Variants in C12orf42 observed in about 807,000 individuals in gnomAD.
C12orf42 encodes uncharacterized protein C12orf42.
A neutral mutation model predicts 21.6 loss-of-function variants in C12orf42; 25 were observed. That is an observed-to-expected ratio of 1.16 (90% CI 0.84 to 1.62). The LOEUF (loss-of-function observed/expected upper bound fraction) is 1.62. Among genes scored for constraint, C12orf42 ranks in the 40% most tolerant of loss-of-function variants. C12orf42 has a pLI of 0.00. For synonymous variants in C12orf42, 174 were observed against 175.0 expected (o/e 0.99, Z 0.05); for missense variants, 483 against 459.3 (o/e 1.05, Z -0.47).
At chr12:103,471,133 C>A (rs1433550195) in intron 2 of C12orf42, among the ~76,000 whole-genome samples, 1 of 152,206 alleles carries the variant, frequency 6.6e-6, no homozygotes, top group Non-Finnish European at 1.5e-5. Flanking sequence ...TTTCCTTACT[C>A]AACTTGTGGG....
At chr12:103,236,489 G>A (rs539935967), downstream of C12orf42, among the ~76,000 whole-genome samples, 31 of 152,244 alleles carry the variant, frequency 2.0e-4, no homozygotes, top group African/African-American at 5.5e-4. Context: ...TTTGCACTTG[G>A]ATGGTATTTG....
downstream of C12orf42, among the ~76,000 whole-genome samples, chr12:103,299,721 T>G (rs2037528827): frequency 6.6e-6 from 1 of 152,244 alleles, no homozygotes; most frequent in Non-Finnish European, 1.5e-5. Context: ...TATTACTGTT[T>G]AATTTAGCAC....
intron 4 of C12orf42, among the ~76,000 whole-genome samples, chr12:103,324,856 C>T (rs1156778702): frequency 6.6e-6 from 1 of 152,154 alleles, no homozygotes; most frequent in Non-Finnish European, 1.5e-5. Context: ...CTTGCTCATT[C>T]CAATGACCTA....
At chr12:103,506,853 A>G in the C12orf42 span, among the ~76,000 whole-genome samples, 35 of 79,428 alleles carry the variant, frequency 4.4e-4, 4 homozygotes, top group Admixed American at 3.0e-3. Context: ...ATATATATTT[A>G]TATATTATAT....
the C12orf42 span, chr12:103,503,637 C>G: frequency 6.5e-6 from 1 of 152,714 alleles, no homozygotes; most frequent in Non-Finnish European, 1.5e-5. Context: ...ACTGAGGCAC[C>G]TGGCATCCCG....
At chr12:103,128,940 G>A in the C12orf42 span, among the ~76,000 whole-genome samples, 1 of 152,106 alleles carries the variant, frequency 6.6e-6, no homozygotes, top group Admixed American at 6.6e-5. Context: ...GATCATCCTG[G>A]CTGCCTGACT....
intron 2 of C12orf42, among the ~76,000 whole-genome samples, chr12:103,419,402 G>T (rs907087145): frequency 2.0e-5 from 3 of 152,166 alleles, no homozygotes; most frequent in African/African-American, 7.2e-5. Flanking sequence ...TTGGGCCCCA[G>T]GTGGAAGTTG....
the C12orf42 span, among the ~76,000 whole-genome samples, chr12:103,543,081 A>C: frequency 2.0e-5 from 3 of 152,224 alleles, no homozygotes; most frequent in African/African-American, 7.2e-5. Context: ...TTGTAAAAAC[A>C]ACCAGGCTGT....
intron 2 of C12orf42, among the ~76,000 whole-genome samples, chr12:103,422,536 A>G (rs1272671854): frequency 1.3e-5 from 2 of 152,156 alleles, no homozygotes; most frequent in African/African-American, 4.8e-5. Context: ...CTGGGCTCTT[A>G]TTTCTAAGCC....
the C12orf42 span, among the ~76,000 whole-genome samples, chr12:103,531,714 G>C: frequency 6.6e-6 from 1 of 152,130 alleles, no homozygotes; most frequent in African/African-American, 2.4e-5. Context: ...TTCCCATCCA[G>C]TATCAAAGCC....
At chr12:103,204,883 T>C in the C12orf42 span, among the ~76,000 whole-genome samples, 8 of 152,120 alleles carry the variant, frequency 5.3e-5, no homozygotes, top group Admixed American at 3.9e-4. Context: ...ACAATATTGA[T>C]ACATCTAAAA....
intron 2 of C12orf42, among the ~76,000 whole-genome samples, chr12:103,474,367 G>T (rs1442763885): frequency 6.6e-6 from 1 of 152,048 alleles, no homozygotes; most frequent in Non-Finnish European, 1.5e-5. Flanking sequence ...AGATCAGAAA[G>T]AGAGTCTGGC....
the C12orf42 span, among the ~76,000 whole-genome samples, chr12:103,560,756 T>G: frequency 2.0e-5 from 3 of 152,218 alleles, no homozygotes; most frequent in African/African-American, 7.2e-5. Context: ...ATACGCAAAG[T>G]CCATGACTCA....
At chr12:103,258,330 A>G (rs551107941) in intron 10 of C12orf42, among the ~76,000 whole-genome samples, 1 of 152,194 alleles carries the variant, frequency 6.6e-6, no homozygotes. Context: ...TAAAAAAGTG[A>G]TCAGAATAAA....
At chr12:103,200,104 A>G in the C12orf42 span, among the ~76,000 whole-genome samples, 16 of 151,092 alleles carry the variant, frequency 1.1e-4, no homozygotes, top group Admixed American at 9.2e-4. Context: ...AGATGAATGG[A>G]AAAAAAAATA....
intron 2 of C12orf42, among the ~76,000 whole-genome samples, chr12:103,422,121 G>A (rs533916574): frequency 6.6e-6 from 1 of 152,244 alleles, no homozygotes; most frequent in Non-Finnish European, 1.5e-5. Flanking sequence ...CTGATTGAAA[G>A]CCCTATTTTT....
intron 1 of C12orf42, among the ~76,000 whole-genome samples, chr12:103,489,767 GA>G (rs1955071500): frequency 1.3e-5 from 2 of 152,362 alleles, no homozygotes; most frequent in East Asian, 3.9e-4. Context: ...AGGCACAGGA[GA>G]AAATCTCCTG....
At chr12:103,136,669 G>A in the C12orf42 span, among the ~76,000 whole-genome samples, 1 of 152,138 alleles carries the variant, frequency 6.6e-6, no homozygotes, top group Non-Finnish European at 1.5e-5. Context: ...CAAGATATTT[G>A]TATAAAAACA....
Position 103,417,209 on chromosome 12 carries a change from T to TC in C12orf42, c.79-15535dup, listed in dbSNP as rs745455861. 2.3e-4 allele frequency among the ~76,000 whole-genome samples: 35 copies of TC among 152,124 alleles called. 1 individual carries two copies. Among genetic ancestry groups the TC allele is most frequent in the East Asian group, 1.5e-3 (8 of 5,180 alleles). Reference sequence around the variant, plus strand: ...TACTTGAGTAATTTTAATGGGAAAATCCCCCCCACTTAACTGTGGCAAAGT... The same window carrying TC: ...TACTTGAGTAATTTTAATGGGAAAATCCCCCCCCACTTAACTGTGGCAAAGT... On this transcript the variant is annotated intron_variant, in intron 2 of 5. Transcript: ENST00000548883.
Sources: allele counts gnomAD v4.1 joint callset (sites outside exome capture counted in the v4.1 genomes callset), GRCh38; gene constraint gnomAD v4.1.1; transcripts MANE v1.5; gene names NCBI Gene and HGNC (gene_info 2026-07-23, HGNC 2026-07-21).